The following PIK3R1 variants were observed in gnomAD, a reference collection of about 807,000 sequenced individuals.
PIK3R1 encodes phosphoinositide-3-kinase regulatory subunit 1.
A neutral mutation model predicts 98.0 loss-of-function variants in PIK3R1; 29 were observed. The ratio of observed to expected loss-of-function variants is 0.30; its 90% confidence interval spans 0.22 to 0.40. The LOEUF (loss-of-function observed/expected upper bound fraction) is 0.40. PIK3R1 is among the 10% of genes least tolerant of loss of function. PIK3R1 has a pLI of 1.00. For synonymous variants in PIK3R1, 282 were observed against 311.8 expected (o/e 0.90, Z 1.01); for missense variants, 596 against 872.7 (o/e 0.68, Z 3.99).
At chr5:68,219,761 A>C (rs1311414872) in intron 1 of PIK3R1, among the ~76,000 whole-genome samples, 1 of 152,248 alleles carries the variant, frequency 6.6e-6, no homozygotes, top group Non-Finnish European at 1.5e-5. Flanking sequence ...GCAATGCAGA[A>C]GAAAATCCCT....
At chr5:68,280,356 CAT>C (rs1335374757) in intron 5 of PIK3R1, 170 bp from the exon 6 acceptor site, 4 of 616,030 alleles carry the variant, frequency 6.5e-6, no homozygotes, top group African/African-American at 1.8e-5. Context: ...TCTACTTTCT[CAT>C]AATGCGTTTT....
At chr5:68,218,180 A>G (rs1484456740) in intron 1 of PIK3R1, among the ~76,000 whole-genome samples, 1 of 152,218 alleles carries the variant, frequency 6.6e-6, no homozygotes, top group Non-Finnish European at 1.5e-5. Context: ...AAGTGGAACA[A>G]TAAGTTATAG....
In PIK3R1 at chr5:68,251,879, G is replaced by C. The variant is rs148442605; in HGVS notation, c.335-21511G>C. Among the ~76,000 whole-genome samples the C allele has an allele frequency of 8.4e-3, 1,286 of 152,210 alleles. 12 individuals are homozygous for C. The highest frequency in any genetic ancestry group is 0.014 in the Middle Eastern group (4 of 294). On this transcript the variant is annotated intron_variant, in intron 2 of 15. Coordinates refer to ENST00000521381, the MANE Select transcript of PIK3R1 (RefSeq NM_181523.3). ...CAGGAGTTGTGTAGGGCCCTCACCC[G>C]GTTGGGGGTGGTGGAGCCTTGGCTG...
rs548315942 is a variant in PIK3R1 at position 68,296,751 on chromosome 5, A to G, written c.1985+410A>G. Among the ~76,000 whole-genome samples, 12 of 149,472 alleles carry G rather than the reference A, an allele frequency of 8.0e-5. 1 individual carries two copies. The South Asian group carries it at 1.3e-3, about 16-fold the overall frequency. On this transcript the variant is annotated intron_variant, in intron 15 of 15. Coordinates refer to ENST00000521381, the MANE Select transcript of PIK3R1 (RefSeq NM_181523.3). ...GAAAAATACTCATCAGGAACAGGTGAAAAAAAAAAGGATTCTGATCATTAT... is the reference window on the plus strand; with the variant it reads ...GAAAAATACTCATCAGGAACAGGTGGAAAAAAAAAGGATTCTGATCATTAT...
At position 68,247,630 on chromosome 5, in the gene PIK3R1, G is replaced by GTA. The variant is rs1745150491; in HGVS notation, c.334+20624_334+20625dup. 2.7e-5 allele frequency among the ~76,000 whole-genome samples: 4 copies of GTA among 150,378 alleles called. No individual in the cohort carries two copies. In the South Asian group the frequency reaches 8.4e-4, roughly 32 times the overall value. ...GTCTTCCTCTGTCACTCAGGCTGGA[G>GTA]TATAGTGGCATCAACATGGCTCACT... On this transcript the variant is annotated intron_variant, in intron 2 of 15. Coordinates refer to ENST00000521381, the MANE Select transcript of PIK3R1 (RefSeq NM_181523.3).
At chr5:68,292,531 C>G in intron 8 of PIK3R1, 170 bp downstream of exon 8, 2 of 1,520,712 alleles carry the variant, frequency 1.3e-6, no homozygotes, top group Non-Finnish European at 1.8e-6. Context: ...ACTGTGGGTG[C>G]TGGATGCCAC....
intron 2 of PIK3R1, among the ~76,000 whole-genome samples, chr5:68,257,307 A>G (rs757818510): frequency 6.6e-6 from 1 of 152,260 alleles, no homozygotes; most frequent in African/African-American, 2.4e-5. Context: ...AAATGCAGAC[A>G]TAACCATGGA....
At chr5:68,269,656 T>C (rs1746267018) in intron 2 of PIK3R1, among the ~76,000 whole-genome samples, 1 of 152,198 alleles carries the variant, frequency 6.6e-6, no homozygotes, top group Admixed American at 6.5e-5. Flanking sequence ...TTTAGTAAAA[T>C]TAAAGGCATA....
chr5:68,279,746 T>C lies in PIK3R1; in HGVS notation c.634+13T>C. 1 of 1,613,670 alleles carries C rather than the reference T, an allele frequency of 6.2e-7. No homozygotes were observed. The highest frequency in any genetic ancestry group is 8.5e-7 in the Non-Finnish European group (1 of 1,179,598). On this transcript the variant is annotated intron_variant, in intron 5 of 15. Transcript: ENST00000521381. ...TCTTTAGCTCCAGGTTTGTTTTTTC[T>C]CTTCTGGGAACCTCATTGAACATAC...
At chr5:68,276,785 A>G (rs1282646789) in intron 4 of PIK3R1, among the ~76,000 whole-genome samples, 1 of 152,184 alleles carries the variant, frequency 6.6e-6, no homozygotes. Context: ...CTTTTGATAT[A>G]CCTCATGTGT....
intron 2 of PIK3R1, among the ~76,000 whole-genome samples, chr5:68,264,912 T>C (rs1746060970): frequency 6.6e-6 from 1 of 152,154 alleles, no homozygotes; most frequent in Non-Finnish European, 1.5e-5. Flanking sequence ...TTTGATATGA[T>C]AGCTAGACCC....
intron 2 of PIK3R1, among the ~76,000 whole-genome samples, chr5:68,268,449 TAAGAA>T (rs1746210866): frequency 6.6e-6 from 1 of 152,224 alleles, no homozygotes; most frequent in Non-Finnish European, 1.5e-5. Flanking sequence ...AAGGTTTATT[TAAGAA>T]AAGAATTGGG....
chr5:68,262,190 C>T (rs1203385988), intron 2 of PIK3R1, among the ~76,000 whole-genome samples: 2 of 151,768 alleles, frequency 1.3e-5, no homozygotes, highest in South Asian at 4.2e-4. Flanking sequence ...TTGAATAGTT[C>T]CCTCTCTGAG....
At chr5:68,280,119 G>A (rs1434293254) in intron 5 of PIK3R1, 1 of 305,866 alleles carries the variant, frequency 3.3e-6, no homozygotes, top group Non-Finnish European at 6.0e-6. Flanking sequence ...GTTGAGGGAA[G>A]ATGGCTCTCA....
intron 14 of PIK3R1, chr5:68,295,851 G>A (rs1747683524): frequency 4.4e-6 from 2 of 450,534 alleles, no homozygotes; most frequent in Admixed American, 3.8e-5. Flanking sequence ...CTGGCAATCT[G>A]CCTAGTCAAT....
intron 2 of PIK3R1, among the ~76,000 whole-genome samples, chr5:68,254,816 T>C (rs1287543778): frequency 6.9e-6 from 1 of 144,194 alleles, no homozygotes; most frequent in Non-Finnish European, 1.5e-5. Context: ...ATTGCATCAG[T>C]ACAGTCTTTT....
chr5:68,286,467 T>A (rs1008299650), intron 7 of PIK3R1, among the ~76,000 whole-genome samples: 11 of 152,210 alleles, frequency 7.2e-5, no homozygotes, highest in African/African-American at 2.7e-4. Context: ...GATGGTTTTC[T>A]CCCAAAGCAG....
At chr5:68,294,776 C>A (rs2112271119) in intron 12 of PIK3R1, 98 bp downstream of exon 12, 2 of 694,130 alleles carry the variant, frequency 2.9e-6, no homozygotes, top group South Asian at 3.0e-5. Flanking sequence ...ATCACGTGGA[C>A]ACAGGAAGGG....
intron 2 of PIK3R1, among the ~76,000 whole-genome samples, chr5:68,272,423 G>A (rs1051793412): frequency 1.3e-5 from 2 of 151,932 alleles, no homozygotes; most frequent in Non-Finnish European, 2.9e-5. Context: ...TAATAAACAG[G>A]TTGTACTTAT....
Sources: gnomAD v4.1 joint callset for allele counts (sites outside exome capture counted in the v4.1 genomes callset) on GRCh38, gnomAD v4.1.1 for gene constraint, MANE v1.5 for transcripts, NCBI Gene and HGNC (gene_info 2026-07-23, HGNC 2026-07-21) for gene names.